SLAIN1: variants seen among roughly 807,000 people sequenced by gnomAD.
SLAIN1 encodes the protein SLAIN family member 1.
A neutral mutation model predicts 55.4 loss-of-function variants in SLAIN1; 17 were observed. The ratio of observed to expected loss-of-function variants is 0.31; its 90% CI spans 0.21 to 0.46. The LOEUF (loss-of-function observed/expected upper bound fraction) is 0.46. Ranked by LOEUF, SLAIN1 falls within the 20% of genes least tolerant of loss-of-function variation. The probability of loss-of-function intolerance (pLI) is 1.00; values close to 1 mark genes in which losing one functional copy is unlikely to be tolerated. For missense variants in SLAIN1, 682 were observed against 785.1 expected, an observed-to-expected ratio of 0.87 and a Z score of 1.57; for synonymous variants, 348 against 337.4, an observed-to-expected ratio of 1.03 and a Z score of -0.35.
chr13:77,759,242 T>C (rs1874828032), intron 5 of SLAIN1, among the ~76,000 whole-genome samples: 1 of 152,294 alleles, frequency 6.6e-6, no homozygotes, highest in South Asian at 2.1e-4. Context: ...TGGTTGTTGT[T>C]GGTATACAGC....
At chr13:77,758,155 TTTAA>T (rs1444609840) in intron 5 of SLAIN1, among the ~76,000 whole-genome samples, 1 of 152,198 alleles carries the variant, frequency 6.6e-6, no homozygotes, top group African/African-American at 2.4e-5. Context: ...TCATTGTGGT[TTTAA>T]TTTGCATTTC....
intron 2 of SLAIN1, among the ~76,000 whole-genome samples, chr13:77,739,507 A>G (rs1873303508): frequency 6.6e-6 from 1 of 152,112 alleles, no homozygotes; most frequent in Admixed American, 6.6e-5. Flanking sequence ...TTAATGCACT[A>G]CCGACCTTTT....
At chr13:77,754,424 AAG>A (rs1261880414) in intron 5 of SLAIN1, among the ~76,000 whole-genome samples, 2 of 152,148 alleles carry the variant, frequency 1.3e-5, no homozygotes, top group Non-Finnish European at 2.9e-5. Flanking sequence ...TATTTTGTGG[AAG>A]AGGCAACAGT....
At chr13:77,735,554 C>A (rs1048866420) in intron 2 of SLAIN1, among the ~76,000 whole-genome samples, 1 of 151,598 alleles carries the variant, frequency 6.6e-6, no homozygotes, top group African/African-American at 2.4e-5. Context: ...ATGTTAAATG[C>A]CTTTTATGTT....
At chr13:77,748,758 G>C (rs1874012390) in intron 4 of SLAIN1, among the ~76,000 whole-genome samples, 1 of 152,140 alleles carries the variant, frequency 6.6e-6, no homozygotes, top group Admixed American at 6.6e-5. Context: ...TTAGCTTAAT[G>C]GTTGAGAGCA....
In SLAIN1 at chr13:77,752,076, C is replaced by CA. The variant is rs920700796; in HGVS notation, c.1259-1120dup. On this transcript the variant is annotated intron_variant, in intron 4 of 6. Coordinates refer to ENST00000418532, the MANE Select transcript of SLAIN1 (RefSeq NM_001242868.2). ...GTGGCAGAAGATGAACTTAGCAAGGCAAAAAAATTGAAGCATTCTCTTGGT... is the reference window on the plus strand; with the variant it reads ...GTGGCAGAAGATGAACTTAGCAAGGCAAAAAAAATTGAAGCATTCTCTTGGT... 5.3e-5 allele frequency among the ~76,000 whole-genome samples: 8 copies of CA among 151,792 alleles called. No individual in the cohort carries two copies. The South Asian group carries it at 8.3e-4, about 16-fold the overall frequency.
At chr13:77,724,894 G>A (rs1236711272) in intron 2 of SLAIN1, among the ~76,000 whole-genome samples, 2 of 152,100 alleles carry the variant, frequency 1.3e-5, no homozygotes, top group Non-Finnish European at 2.9e-5. Flanking sequence ...CCCTTGGGCA[G>A]TCCGCATTTT....
At chr13:77,758,996 T>C (rs897483651) in intron 5 of SLAIN1, among the ~76,000 whole-genome samples, 2 of 152,120 alleles carry the variant, frequency 1.3e-5, no homozygotes, top group African/African-American at 4.8e-5. Flanking sequence ...TTTGATAGAA[T>C]TGCATTGAAT....
chr13:77,756,785 A>C (rs1874638457), intron 5 of SLAIN1, among the ~76,000 whole-genome samples: 5 of 152,162 alleles, frequency 3.3e-5, no homozygotes, highest in Admixed American at 3.3e-4. Context: ...GCCAGATTAA[A>C]AGGTTAACAT....
intron 4 of SLAIN1, among the ~76,000 whole-genome samples, chr13:77,747,092 ATTTAT>A (rs1273248415): frequency 6.6e-6 from 1 of 151,826 alleles, no homozygotes; most frequent in Non-Finnish European, 1.5e-5. Context: ...TGCCTGGCTA[ATTTAT>A]TTTTTATTTT....
In SLAIN1 at chr13:77,762,728, A is replaced by G. The variant is rs1875139887; in HGVS notation, c.1698-417A>G. Among the ~76,000 whole-genome samples the G allele has an allele frequency of 3.3e-5, 5 of 152,328 alleles. No individual in the cohort carries two copies. The South Asian group carries it at 1.0e-3, about 32-fold the overall frequency. ...GATTCTTTTTAAATGTTTTGCGAAT[A>G]TGATAGGCAAATCTTCAATTACTAA... On this transcript the variant is annotated intron_variant, in intron 6 of 6. Coordinates refer to ENST00000418532, the MANE Select transcript of SLAIN1 (RefSeq NM_001242868.2).
intron 5 of SLAIN1, among the ~76,000 whole-genome samples, chr13:77,754,847 C>G (rs1874486116): frequency 6.6e-6 from 1 of 152,112 alleles, no homozygotes; most frequent in African/African-American, 2.4e-5. Context: ...TTCCCAGTGC[C>G]TGACGTATTG....
chr13:77,762,230 G>C (rs1875091234), intron 6 of SLAIN1, among the ~76,000 whole-genome samples: 1 of 152,156 alleles, frequency 6.6e-6, no homozygotes, highest in Admixed American at 6.5e-5. Context: ...GCTGATGGCT[G>C]ACTAGAATCA....
At chr13:77,745,657 T>G (rs1415847846) in intron 3 of SLAIN1, among the ~76,000 whole-genome samples, 1 of 152,140 alleles carries the variant, frequency 6.6e-6, no homozygotes, top group Non-Finnish European at 1.5e-5. Flanking sequence ...GCATAATAAT[T>G]TCCTGTTTTC....
At chr13:77,711,674 GAAACTATTCC>G (rs1315070745) in intron 1 of SLAIN1, among the ~76,000 whole-genome samples, 1 of 152,154 alleles carries the variant, frequency 6.6e-6, no homozygotes, top group Non-Finnish European at 1.5e-5. Flanking sequence ...CATTCCTTCT[GAAACTATTCC>G]AAACAATAGA....
chr13:77,751,287 T>A (rs558868624), intron 4 of SLAIN1, among the ~76,000 whole-genome samples: 1 of 152,324 alleles, frequency 6.6e-6, no homozygotes, highest in African/African-American at 2.4e-5. Flanking sequence ...TTTACCCCTA[T>A]CAAAATGTTA....
chr13:77,749,124 A>G (rs541458498), intron 4 of SLAIN1, among the ~76,000 whole-genome samples: 77 of 152,242 alleles, frequency 5.1e-4, no homozygotes, highest in African/African-American at 1.7e-3. Flanking sequence ...TCTATTAAAT[A>G]TTTTTCTAAA....
chr13:77,717,124 A>G (rs2091215652), intron 1 of SLAIN1, among the ~76,000 whole-genome samples: 1 of 152,010 alleles, frequency 6.6e-6, no homozygotes, highest in Admixed American at 6.6e-5. Context: ...AGTTAATCTG[A>G]TAAGTTATAT....
chr13:77,737,069 A>G (rs1048978306), intron 2 of SLAIN1, among the ~76,000 whole-genome samples: 2 of 150,374 alleles, frequency 1.3e-5, no homozygotes, highest in African/African-American at 4.8e-5. Flanking sequence ...AGGCATTTCC[A>G]GTAACCATCT....
Sources: allele counts gnomAD v4.1 joint callset (sites outside exome capture counted in the v4.1 genomes callset), GRCh38; gene constraint gnomAD v4.1.1; transcripts MANE v1.5; gene names NCBI Gene and HGNC (gene_info 2026-07-23, HGNC 2026-07-21).